Variants in ADGRL3 observed in about 807,000 individuals in gnomAD.
ADGRL3 encodes calcium-independent alpha-latrotoxin receptor 3.
A neutral mutation model predicts 153.5 loss-of-function variants in ADGRL3; 62 were observed. The ratio of observed to expected loss-of-function variants is 0.40; its 90% CI spans 0.33 to 0.50. The LOEUF (loss-of-function observed/expected upper bound fraction) is 0.50. Among genes scored for constraint, ADGRL3 ranks in the 20% least tolerant of loss-of-function variants. ADGRL3 has a pLI of 0.47. For synonymous variants in ADGRL3, 710 were observed against 672.5 expected, an observed-to-expected ratio of 1.06 and a Z score of -0.86; for missense variants, 1,641 against 1,859.4, an observed-to-expected ratio of 0.88 and a Z score of 2.16.
chr4:61,809,744 A>C (rs576020442), intron 8 of ADGRL3, among the ~76,000 whole-genome samples: 203 of 152,022 alleles, frequency 1.3e-3, no homozygotes, highest in Non-Finnish European at 2.3e-3. Flanking sequence ...ATGGTGTTTT[A>C]TGTATGCCAA....
intron 4 of ADGRL3, among the ~76,000 whole-genome samples, chr4:61,567,096 A>G (rs887602485): frequency 6.6e-6 from 1 of 152,196 alleles, no homozygotes; most frequent in Admixed American, 6.5e-5. Flanking sequence ...TTACAGAAAA[A>G]AAATTCAACA....
intron 1 of ADGRL3, among the ~76,000 whole-genome samples, chr4:61,336,366 C>A (rs2095674129): frequency 1.3e-5 from 2 of 152,126 alleles, no homozygotes; most frequent in South Asian, 4.1e-4. Context: ...TATCCACACT[C>A]CATATGGATT....
At position 61,238,427 on chromosome 4, in the gene ADGRL3, TA is replaced by T. The variant is rs1207107162; in HGVS notation, c.-240+36665del. On this transcript the variant is annotated intron_variant, in intron 1 of 26. Transcript: ENST00000683033. ...CTTAAACATTAGTTTTATTAAAGGGTAAATTCTAATGTGTGGTGTGTGTGTG... is the reference window on the plus strand; with the variant it reads ...CTTAAACATTAGTTTTATTAAAGGGTAATTCTAATGTGTGGTGTGTGTGTG... Among the ~76,000 whole-genome samples, 3 of 149,094 alleles carry T rather than the reference TA, an allele frequency of 2.0e-5. No individual in the cohort carries two copies. The East Asian group carries it at 5.9e-4, about 29-fold the overall frequency.
At chr4:62,036,829 T>C (rs1169760886) in intron 23 of ADGRL3, among the ~76,000 whole-genome samples, 2 of 151,968 alleles carry the variant, frequency 1.3e-5, no homozygotes, top group African/African-American at 4.8e-5. Context: ...GTCCCTTTGT[T>C]GTTATTGGTA....
At chr4:62,067,577 A>G (rs1009023685) in intron 25 of ADGRL3, among the ~76,000 whole-genome samples, 1 of 152,002 alleles carries the variant, frequency 6.6e-6, no homozygotes, top group Non-Finnish European at 1.5e-5. Context: ...CTCAGTTTTT[A>G]TTTAAAACTG....
At chr4:61,324,271 A>G (rs1302194874) in intron 1 of ADGRL3, among the ~76,000 whole-genome samples, 1 of 152,194 alleles carries the variant, frequency 6.6e-6, no homozygotes, top group East Asian at 1.9e-4. Flanking sequence ...CTACAGACAC[A>G]GTGACATTTT....
At chr4:61,431,469 C>T (rs1417411560) in intron 2 of ADGRL3, among the ~76,000 whole-genome samples, 8 of 152,160 alleles carry the variant, frequency 5.3e-5, no homozygotes, top group East Asian at 1.9e-4. Flanking sequence ...GTGATCAGTT[C>T]CAGGTGACTA....
intron 8 of ADGRL3, among the ~76,000 whole-genome samples, chr4:61,757,571 C>A (rs2096851542): frequency 6.6e-6 from 1 of 152,104 alleles, no homozygotes; most frequent in Non-Finnish European, 1.5e-5. Context: ...AAAAAACCAG[C>A]TCCTGGATTC....
At chr4:61,709,596 G>A (rs1366076801) in intron 6 of ADGRL3, among the ~76,000 whole-genome samples, 1 of 152,124 alleles carries the variant, frequency 6.6e-6, no homozygotes, top group Non-Finnish European at 1.5e-5. Flanking sequence ...TTCACTCACT[G>A]TTACATAGGC....
chr4:61,930,270 T>A lies in ADGRL3; in HGVS notation c.2113-4570T>A, dbSNP rs147208254. 1.1e-4 allele frequency among the ~76,000 whole-genome samples: 16 copies of A among 152,004 alleles called. No individual in the cohort carries two copies. In the East Asian group the frequency reaches 3.1e-3, roughly 29 times the overall value. On this transcript the variant is annotated intron_variant, in intron 13 of 26. Transcript: ENST00000683033. ...GGTATTTATTTTTACGTTTTTCAAATGGAGGAAGGGGGGTAACTAGGTTCC... is the reference window on the plus strand; with the variant it reads ...GGTATTTATTTTTACGTTTTTCAAAAGGAGGAAGGGGGGTAACTAGGTTCC...
Position 61,517,518 on chromosome 4 carries a change from G to C in ADGRL3, c.259G>C (p.Ala87Pro). Residue 87 changes from alanine to proline, a missense_variant and splice_region_variant, in exon 4 of 27, where the codon GCT becomes CCT. By Grantham distance (27) the Ala-to-Pro change is conservative (BLOSUM62 -1). This residue lies in a region of ADGRL3 where 145 missense variants were observed against 79.1 expected (regional missense o/e 1.83). Transcript: ENST00000683033. ...CCAAGGAGCACAGATTGCAGCGCAA[G>C]GTGCGGCCAGCGGTGGGGAGAGAGG... ...GAQGAQIAAQAFSRAPIPMAV... is the reference protein window; with the variant it reads ...GAQGAQIAAQPFSRAPIPMAV... 1.4e-6 allele frequency: 1 copy of C among 706,034 alleles called. No homozygotes were observed. Among genetic ancestry groups the C allele is most frequent in the Non-Finnish European group, 2.6e-6 (1 of 388,894 alleles). The allele number at this position is 706,034 out of a possible 1,614,324, so 43.7% of individuals were successfully genotyped here. A position where few individuals can be genotyped will look rare whatever the true frequency, so the allele number is the denominator to read the frequency against.
intron 8 of ADGRL3, among the ~76,000 whole-genome samples, chr4:61,772,800 C>T (rs1253209487): frequency 6.6e-6 from 1 of 152,106 alleles, no homozygotes; most frequent in African/African-American, 2.4e-5. Flanking sequence ...TGCCATTTCT[C>T]AATTTCTTCA....
In ADGRL3 at chr4:62,066,922, C is replaced by G. The variant is rs534393162; in HGVS notation, c.3815-1244C>G. On this transcript the variant is annotated intron_variant, in intron 25 of 26. Transcript: ENST00000683033. ...GGTGTTAGATAAAGGCTCAGCCCCT[C>G]TGGGCTGCAGTCTCCTCTTCTCTGA... Among the ~76,000 whole-genome samples the G allele has an allele frequency of 2.6e-5, 4 of 152,136 alleles. No homozygotes were observed. In the South Asian group the frequency reaches 6.2e-4, roughly 24 times the overall value.
chr4:61,511,874 A>G (rs2152875940), intron 3 of ADGRL3, among the ~76,000 whole-genome samples: 1 of 152,304 alleles, frequency 6.6e-6, no homozygotes, highest in Non-Finnish European at 1.5e-5. Context: ...CAGGTGCTTG[A>G]ATTGGATCTT....
intron 6 of ADGRL3, among the ~76,000 whole-genome samples, chr4:61,720,546 A>G (rs551536236): frequency 9.8e-5 from 15 of 152,334 alleles, no homozygotes; most frequent in Non-Finnish European, 1.9e-4. Flanking sequence ...CACTGATGGC[A>G]TGTAGAGAGT....
At chr4:61,347,694 C>T (rs1232495343) in intron 1 of ADGRL3, among the ~76,000 whole-genome samples, 1 of 152,010 alleles carries the variant, frequency 6.6e-6, no homozygotes, top group Non-Finnish European at 1.5e-5. Context: ...ATGTTGAAGT[C>T]CTGTACTGTG....
At chr4:61,506,346 C>T (rs927141982) in intron 3 of ADGRL3, among the ~76,000 whole-genome samples, 14 of 152,184 alleles carry the variant, frequency 9.2e-5, no homozygotes, top group Non-Finnish European at 1.6e-4. Flanking sequence ...ACAACACCAT[C>T]TTGGGGTCAC....
chr4:61,462,171 G>C (rs2097828095), intron 2 of ADGRL3, among the ~76,000 whole-genome samples: 1 of 152,038 alleles, frequency 6.6e-6, no homozygotes, highest in Admixed American at 6.5e-5. Context: ...TTCCTATTTG[G>C]GCTGAATTTA....
intron 1 of ADGRL3, among the ~76,000 whole-genome samples, chr4:61,203,492 G>A (rs768563429): frequency 1.3e-5 from 2 of 152,196 alleles, no homozygotes; most frequent in Non-Finnish European, 2.9e-5. Flanking sequence ...CCAGCCAGCT[G>A]CTGGGGAAAT....
Sources: gnomAD v4.1 joint callset for allele counts (sites outside exome capture counted in the v4.1 genomes callset) on GRCh38, gnomAD v4.1.1 for gene constraint, gnomAD v4.1.1 regional missense constraint, MANE v1.5 for transcripts, NCBI Gene and HGNC (gene_info 2026-07-23, HGNC 2026-07-21) for gene names.